Variants in LRRC47 observed in about 807,000 individuals in gnomAD.
LRRC47 encodes leucine-rich repeat-containing protein 47.
LRRC47 carries 31 observed loss-of-function variants against 40.9 expected under a neutral mutation model. The observed-to-expected ratio is 0.76, with a 90% CI of 0.57 to 1.02. LRRC47 has a LOEUF of 1.02. Ranked by LOEUF, LRRC47 falls within the 50% of genes least tolerant of loss-of-function variation. LRRC47 has a pLI of 0.00. For missense variants in LRRC47, 726 were observed against 796.1 expected (o/e 0.91, Z 1.06); for synonymous variants, 427 against 371.9 (o/e 1.15, Z -1.70).
intron 1 of LRRC47, among the ~76,000 whole-genome samples, chr1:3,793,214 C>A (rs560799623): frequency 6.6e-6 from 1 of 151,794 alleles, no homozygotes; most frequent in Non-Finnish European, 1.5e-5. Context: ...CGGGTTTAAG[C>A]GATTCTCCTG....
chr1:3,792,182 A>G (rs1169865897), intron 1 of LRRC47, among the ~76,000 whole-genome samples: 1 of 152,228 alleles, frequency 6.6e-6, no homozygotes, highest in African/African-American at 2.4e-5. Context: ...ATTGCTGGGC[A>G]TAGTTCTGGT....
At position 3,784,026 on chromosome 1, in the gene LRRC47, T is replaced by TTCTGCTTCC. The variant is rs1180614608; in HGVS notation, c.1271_1279dup (p.Arg424_Gln426dup). Reference sequence around the variant, plus strand: ...CAGGCCCGACACACTCTGCCGCTTCTTCTGCTTCCTCTGCTCCTCGGCCTC... The same window carrying TTCTGCTTCC: ...CAGGCCCGACACACTCTGCCGCTTCTTCTGCTTCCTCTGCTTCCTCTGCTCCTCGGCCTC... On this transcript the variant is annotated inframe_insertion, in exon 4 of 7. Transcript: ENST00000378251. 1 of 1,611,314 alleles carries TTCTGCTTCC rather than the reference T, an allele frequency of 6.2e-7. No homozygotes were observed. Among genetic ancestry groups the TTCTGCTTCC allele is most frequent in the East Asian group, 2.2e-5 (1 of 44,860 alleles).
chr1:3,786,707 A>C (rs748963588), intron 2 of LRRC47, 142 bp downstream of exon 2: 17 of 788,372 alleles, frequency 2.2e-5, no homozygotes, highest in Middle Eastern at 3.7e-4. Context: ...TTTGGAGCTG[A>C]GGAAACTGAA....
At chr1:3,789,419 GC>G (rs1235993592) in intron 1 of LRRC47, among the ~76,000 whole-genome samples, 1 of 152,274 alleles carries the variant, frequency 6.6e-6, no homozygotes, top group African/African-American at 2.4e-5. Context: ...CTTTCTGCCT[GC>G]AAACACGCAG....
chr1:3,781,067 C>G lies in LRRC47; in HGVS notation c.*21G>C. On this transcript the variant is annotated 3_prime_UTR_variant, in exon 7 of 7. Coordinates refer to ENST00000378251, the MANE Select transcript of LRRC47 (RefSeq NM_020710.3). ...ACCTCCGCAAAACCGGCCAAACAAA[C>G]GCGGACAGGCGGCCCTGGCGTCAGC... 6.2e-7 allele frequency: 1 copy of G among 1,603,256 alleles called. No homozygotes were observed. The highest frequency in any genetic ancestry group is 8.5e-7 in the Non-Finnish European group (1 of 1,172,218).
rs559573281 is a variant in LRRC47 at position 3,783,589 on chromosome 1, C to T, written c.1310+407G>A. On this transcript the variant is annotated intron_variant, in intron 4 of 6. Transcript: ENST00000378251. ...TTTACAGAAATCACTGGGCTAGTTA[C>T]GGATGATCATCTTGCTTAGAGCAGC... Among the ~76,000 whole-genome samples, 144 of 152,328 alleles carry T rather than the reference C, an allele frequency of 9.5e-4. 1 individual carries two copies. The Middle Eastern group carries it at 0.01, about 11-fold the overall frequency.
In LRRC47 at chr1:3,786,844, C is replaced by A. The variant is rs765297406; in HGVS notation, c.1077+5G>T. The stretch of plus-strand genomic sequence containing the variant: ...AGTCATCTGAGGACCCCCACGGGCA[C>A]CCACCTGCGAGGTGAGGAAGCGCTT... On this transcript the variant is annotated splice_donor_5th_base_variant and intron_variant, in intron 2 of 6. Coordinates refer to ENST00000378251, the MANE Select transcript of LRRC47 (RefSeq NM_020710.3). The A allele has an allele frequency of 6.3e-7, 1 of 1,578,348 alleles. No homozygotes were observed. Among genetic ancestry groups the A allele is most frequent in the Non-Finnish European group, 8.6e-7 (1 of 1,160,390 alleles).
chr1:3,794,225 A>G (rs561985790), intron 1 of LRRC47, among the ~76,000 whole-genome samples: 7 of 152,288 alleles, frequency 4.6e-5, no homozygotes, highest in Admixed American at 4.6e-4. Context: ...GTAAAACTCC[A>G]GTCTCCACTT....
In LRRC47 at chr1:3,781,568, C is replaced by CT. The variant is rs775346377; in HGVS notation, c.1446dup (p.Val483SerfsTer32). The CT allele has an allele frequency of 1.9e-6, 3 of 1,613,914 alleles. No individual in the cohort carries two copies. The South Asian group carries it at 3.3e-5, about 18-fold the overall frequency. ...ATCTGCAGACTGGTGGCACTTGTTA[C>CT]TTCCAAAAACAAATCAGAAGTCGTT... On this transcript the variant is annotated frameshift_variant, in exon 6 of 7. Transcript: ENST00000378251. LOFTEE classifies it high-confidence loss of function.
In LRRC47 at chr1:3,787,101, C is replaced by T. The variant is rs999690811; in HGVS notation, c.825G>A (p.Ser275=). 5.0e-6 allele frequency: 8 copies of T among 1,613,706 alleles called. No individual in the cohort carries two copies. The highest frequency in any genetic ancestry group is 1.1e-5 in the South Asian group (1 of 91,078). The stretch of plus-strand genomic sequence containing the variant: ...TCTTCCTCCGGCTCTCTTCCTTCTC[C>T]GAGCCCTCGGCACGGCCCTTGCCCT... ...GGKGKGRAEG[S]EKEESRRKRR... Residue 275 remains serine (S), a synonymous_variant, in exon 2 of 7, where the codon TCG becomes TCA. Coordinates refer to ENST00000378251, the MANE Select transcript of LRRC47 (RefSeq NM_020710.3).
chr1:3,787,315 AAAGAG>A lies in LRRC47; in HGVS notation c.616-10_616-6del. 1 of 1,606,474 alleles carries A rather than the reference AAAGAG, an allele frequency of 6.2e-7. No homozygotes were observed. The highest frequency in any genetic ancestry group is 1.7e-5 in the Admixed American group (1 of 59,694). ...GTTGTTCGAGAGGTCCAACGTCTGC[AAAGAG>A]AAACATGGACGCGTCAGACGCCCGG... On this transcript the variant is annotated splice_region_variant and splice_polypyrimidine_tract_variant and intron_variant, in intron 1 of 6. Transcript: ENST00000378251.
intron 2 of LRRC47, 146 bp from the exon 3 acceptor site, chr1:3,785,349 A>T (rs1643562242): frequency 2.3e-6 from 1 of 432,260 alleles, no homozygotes; most frequent in African/African-American, 2.1e-5. Context: ...TTTCCGAGAC[A>T]GGGCTCCCCT....
Position 3,782,770 on chromosome 1 carries a change from G to A in LRRC47, c.1311-7C>T. 6.7e-7 allele frequency: 1 copy of A among 1,499,730 alleles called. No homozygotes were observed. Among genetic ancestry groups the A allele is most frequent in the South Asian group, 1.1e-5 (1 of 88,790 alleles). The allele number at this position is 1,499,730 out of a possible 1,614,324, so 92.9% of individuals were successfully genotyped here. A position where few individuals can be genotyped will look rare whatever the true frequency, so the allele number is the denominator to read the frequency against. ...ATCCAGCAAGTGAAGGTATCTGTAT[G>A]GGAAGAAATACAAATTCCAGGCATA... On this transcript the variant is annotated splice_region_variant and splice_polypyrimidine_tract_variant and intron_variant, in intron 4 of 6. Transcript: ENST00000378251.
chr1:3,796,242 T>C lies in LRRC47; in HGVS notation c.235A>G (p.Ser79Gly), dbSNP rs1365898639. The change falls in exon 1 of 7, where the codon AGC (serine) becomes GGC (glycine). Residue 79 changes from serine (S) to glycine (G), a missense_variant. Coordinates refer to ENST00000378251, the MANE Select transcript of LRRC47 (RefSeq NM_020710.3). ...GLAQGLPQLH[S>G]LVLRRNALGP... ...AGCGCGTTGCGCCGCAGCACGAGGC[T>C]GTGCAGCTGCGGCAGGCCCTGCGCC... 2 of 1,450,042 alleles carry C rather than the reference T, an allele frequency of 1.4e-6. No homozygotes were observed. The highest frequency in any genetic ancestry group is 2.8e-5 in the Admixed American group (1 of 36,314). 89.8% of individuals were successfully genotyped at this position (1,450,042 alleles called of 1,614,324 possible).
At chr1:3,788,399 T>G (rs1477113169) in intron 1 of LRRC47, among the ~76,000 whole-genome samples, 2 of 152,178 alleles carry the variant, frequency 1.3e-5, no homozygotes, top group African/African-American at 4.8e-5. Flanking sequence ...GGCAACAGCA[T>G]GTGGGCCCCC....
At chr1:3,787,808 C>T (rs969643500) in intron 1 of LRRC47, among the ~76,000 whole-genome samples, 1 of 152,154 alleles carries the variant, frequency 6.6e-6, no homozygotes, top group East Asian at 1.9e-4. Context: ...CATTCTTCTT[C>T]ATAATGAAGT....
intron 4 of LRRC47, among the ~76,000 whole-genome samples, chr1:3,783,554 G>A (rs1436455714): frequency 1.3e-5 from 2 of 152,134 alleles, no homozygotes; most frequent in East Asian, 3.9e-4. Context: ...AAAGTATTCT[G>A]AAGCCTGTGT....
intron 1 of LRRC47, among the ~76,000 whole-genome samples, chr1:3,794,563 G>A (rs1234780540): frequency 1.3e-5 from 2 of 151,808 alleles, no homozygotes; most frequent in Admixed American, 6.6e-5. Context: ...CCAGGCTGGT[G>A]GTGTGACCTC....
intron 1 of LRRC47, among the ~76,000 whole-genome samples, chr1:3,788,760 CAG>C (rs1454222628): frequency 2.6e-5 from 4 of 152,098 alleles, no homozygotes; most frequent in African/African-American, 9.7e-5. Flanking sequence ...TGAGTTCCCT[CAG>C]GGAGAACAGA....
Sources: gnomAD v4.1 joint callset for allele counts (sites outside exome capture counted in the v4.1 genomes callset) on GRCh38, gnomAD v4.1.1 for gene constraint, MANE v1.5 for transcripts, NCBI Gene and HGNC (gene_info 2026-07-23, HGNC 2026-07-21) for gene names.